TANGO6: variants seen among roughly 807,000 people sequenced by gnomAD.
TANGO6 encodes transport and Golgi organization protein 6 homolog.
A neutral mutation model predicts 114.2 loss-of-function variants in TANGO6; 90 were observed. The ratio of observed to expected loss-of-function variants is 0.79; its 90% CI spans 0.66 to 0.94. The LOEUF (loss-of-function observed/expected upper bound fraction) is 0.94, where lower values mean the gene tolerates loss of function less well. TANGO6 is among the 40% of genes least tolerant of loss of function. TANGO6 has a pLI of 0.00. For missense variants in TANGO6, 1,274 were observed against 1,315.3 expected, an observed-to-expected ratio of 0.97 and a Z score of 0.49; for synonymous variants, 477 against 509.8, an observed-to-expected ratio of 0.94 and a Z score of 0.87.
chr16:69,076,395 T>A (rs1304219969), intron 17 of TANGO6, among the ~76,000 whole-genome samples: 1 of 152,086 alleles, frequency 6.6e-6, no homozygotes, highest in East Asian at 1.9e-4. Context: ...CCCAGCCTCA[T>A]TTCTTGATAC....
chr16:68,993,716 CTAAT>C (rs1283079935), intron 15 of TANGO6, among the ~76,000 whole-genome samples: 1 of 152,168 alleles, frequency 6.6e-6, no homozygotes. Flanking sequence ...TTTTATATAT[CTAAT>C]TAAATTAATT....
At chr16:68,997,898 G>A (rs993702173) in intron 15 of TANGO6, among the ~76,000 whole-genome samples, 1 of 152,190 alleles carries the variant, frequency 6.6e-6, no homozygotes, top group African/African-American at 2.4e-5. Flanking sequence ...CAGGGGCAAT[G>A]ATATTCTTAC....
chr16:68,982,570 T>C (rs1366186706), intron 15 of TANGO6, among the ~76,000 whole-genome samples: 1 of 151,260 alleles, frequency 6.6e-6, no homozygotes, highest in Non-Finnish European at 1.5e-5. Context: ...CATCAGATGA[T>C]CTACCCACCT....
At chr16:68,889,272 C>T (rs376994463) in intron 7 of TANGO6, among the ~76,000 whole-genome samples, 3 of 152,156 alleles carry the variant, frequency 2.0e-5, no homozygotes, top group Non-Finnish European at 4.4e-5. Context: ...ATCCAAAGTC[C>T]GTAGTTTACA....
chr16:68,890,860 C>T (rs1962603746), intron 7 of TANGO6, among the ~76,000 whole-genome samples: 1 of 150,438 alleles, frequency 6.6e-6, no homozygotes, highest in Non-Finnish European at 1.5e-5. Flanking sequence ...ATCTCTACTA[C>T]CAAAAAAATA....
At chr16:68,845,125 G>T (rs1390551631) in intron 1 of TANGO6, among the ~76,000 whole-genome samples, 1 of 151,988 alleles carries the variant, frequency 6.6e-6, no homozygotes, top group Non-Finnish European at 1.5e-5. Context: ...ACACCACCAT[G>T]CCCAGCTAAT....
intron 15 of TANGO6, among the ~76,000 whole-genome samples, chr16:68,989,869 T>C (rs904128577): frequency 3.9e-5 from 6 of 152,224 alleles, no homozygotes; most frequent in Non-Finnish European, 7.3e-5. Context: ...GTCTACTCTA[T>C]GCATGGTGAA....
chr16:69,067,032 GAC>G (rs1960222764), intron 17 of TANGO6, among the ~76,000 whole-genome samples: 1 of 152,088 alleles, frequency 6.6e-6, no homozygotes, highest in Non-Finnish European at 1.5e-5. Context: ...AAGTAGCTGG[GAC>G]CACAAATGCG....
chr16:69,077,043 G>A (rs1325516185), intron 17 of TANGO6, among the ~76,000 whole-genome samples: 4 of 150,566 alleles, frequency 2.7e-5, no homozygotes, highest in Non-Finnish European at 4.4e-5. Flanking sequence ...AGATTATTAC[G>A]AATTTTTTTT....
intron 14 of TANGO6, among the ~76,000 whole-genome samples, chr16:68,957,777 G>A (rs542527715): frequency 6.6e-6 from 1 of 152,184 alleles, no homozygotes; most frequent in South Asian, 2.1e-4. Flanking sequence ...AGAAATACAA[G>A]ATAAGTTTGA....
chr16:69,031,352 G>A (rs1409269991), intron 16 of TANGO6, among the ~76,000 whole-genome samples: 6 of 151,950 alleles, frequency 3.9e-5, no homozygotes, highest in African/African-American at 1.4e-4. Flanking sequence ...ATACAATATT[G>A]AATGAAGAGC....
At chr16:68,848,047 CTCAT>C (rs1961842879) in intron 1 of TANGO6, among the ~76,000 whole-genome samples, 1 of 149,164 alleles carries the variant, frequency 6.7e-6, no homozygotes, top group Non-Finnish European at 1.5e-5. Context: ...CACTTCTGTT[CTCAT>C]TATTTTTGAA....
At chr16:68,859,300 A>G (rs1413488156) in intron 1 of TANGO6, among the ~76,000 whole-genome samples, 3 of 152,090 alleles carry the variant, frequency 2.0e-5, no homozygotes, top group Non-Finnish European at 4.4e-5. Flanking sequence ...CCTCCTGAGT[A>G]GCTGGGACTA....
chr16:69,024,048 T>C (rs985429456), intron 16 of TANGO6, among the ~76,000 whole-genome samples: 3 of 151,100 alleles, frequency 2.0e-5, no homozygotes, highest in Non-Finnish European at 4.4e-5. Flanking sequence ...GCTGGGACCA[T>C]GTGTCACCAC....
intron 4 of TANGO6, among the ~76,000 whole-genome samples, chr16:68,871,410 T>C (rs1475947432): frequency 1.3e-5 from 2 of 152,124 alleles, no homozygotes; most frequent in African/African-American, 4.8e-5. Flanking sequence ...TTTTTTCTGC[T>C]TTTTGGAGCT....
intron 4 of TANGO6, chr16:68,867,443 A>G (rs1962195928): frequency 4.0e-6 from 2 of 503,120 alleles, no homozygotes; most frequent in South Asian, 2.7e-5. Context: ...TACACTGCCT[A>G]TTTTATTGAA....
At chr16:68,898,142 G>T (rs907031042) in intron 7 of TANGO6, among the ~76,000 whole-genome samples, 1 of 151,944 alleles carries the variant, frequency 6.6e-6, no homozygotes, top group African/African-American at 2.4e-5. Context: ...TACGTTATCT[G>T]GAAGAATCTC....
intron 17 of TANGO6, among the ~76,000 whole-genome samples, chr16:69,043,294 G>A (rs1190301600): frequency 6.8e-6 from 1 of 146,344 alleles, no homozygotes; most frequent in Non-Finnish European, 1.5e-5. Context: ...GTGTGTGTGT[G>A]TGTGTGTGTG....
At position 68,860,258 on chromosome 16, in the gene TANGO6, A is replaced by G. The variant is rs776619779; in HGVS notation, c.469A>G (p.Ile157Val). The G allele has an allele frequency of 4.4e-5, 71 of 1,613,876 alleles. No homozygotes were observed. The highest frequency in any genetic ancestry group is 1.6e-4 in the Middle Eastern group (1 of 6,084). Residue 157 changes from isoleucine to valine, a missense_variant, in exon 2 of 18, where the codon ATC (isoleucine) becomes GTC (valine). Physicochemically the swap from Ile to Val is conservative, Grantham distance 29. Around this residue, in one of 5 missense-constraint regions of TANGO6, gnomAD observed 908 missense variants for 910.2 expected, o/e 1.00. Coordinates refer to ENST00000261778, the MANE Select transcript of TANGO6 (RefSeq NM_024562.2). Reference sequence around the variant, plus strand: ...TTTGCAGTTTGTAGTTACCTTGGGTATCTGCCCCTATCTCATGCCTGGTGT... The same window carrying G: ...TTTGCAGTTTGTAGTTACCTTGGGTGTCTGCCCCTATCTCATGCCTGGTGT... ...FVLQFVVTLG[I>V]CPYLMPGVGV...
Sources: gnomAD v4.1 joint callset for allele counts (sites outside exome capture counted in the v4.1 genomes callset) on GRCh38, gnomAD v4.1.1 for gene constraint, gnomAD v4.1.1 regional missense constraint, MANE v1.5 for transcripts, NCBI Gene and HGNC (gene_info 2026-07-23, HGNC 2026-07-21) for gene names.